The following SLIT2 variants were observed in gnomAD, a reference collection of about 807,000 sequenced individuals.
The protein encoded by SLIT2 is slit guidance ligand 2.
A neutral mutation model predicts 185.7 loss-of-function variants in SLIT2; 41 were observed. The observed-to-expected ratio is 0.22, with a 90% CI of 0.17 to 0.29. SLIT2 has a LOEUF of 0.29. SLIT2 is among the 10% of genes least tolerant of loss of function. The pLI, the probability that SLIT2 is intolerant of heterozygous loss-of-function variation, is 1.00. For synonymous variants in SLIT2, 693 were observed against 680.2 expected, an observed-to-expected ratio of 1.02 and a Z score of -0.29; for missense variants, 1,571 against 1,909.0, an observed-to-expected ratio of 0.82 and a Z score of 3.30.
At chr4:20,385,092 CTAAG>C (rs1171808798) in intron 4 of SLIT2, among the ~76,000 whole-genome samples, 2 of 152,066 alleles carry the variant, frequency 1.3e-5, no homozygotes, top group East Asian at 1.9e-4. Flanking sequence ...ATTTGCTGGA[CTAAG>C]TAAGTCACTG....
intron 9 of SLIT2, among the ~76,000 whole-genome samples, chr4:20,503,000 G>T (rs1482676591): frequency 3.3e-5 from 5 of 152,008 alleles, no homozygotes; most frequent in Non-Finnish European, 2.9e-5. Flanking sequence ...AAACTTCTAT[G>T]GGAAAAAAAT....
chr4:20,558,485 A>C lies in SLIT2; in HGVS notation c.2725+4517A>C, dbSNP rs181203793. 3.3e-5 allele frequency among the ~76,000 whole-genome samples: 5 copies of C among 152,202 alleles called. No homozygotes were observed. In the East Asian group the frequency reaches 9.6e-4, roughly 29 times the overall value. On this transcript the variant is annotated intron_variant, in intron 26 of 36. Coordinates refer to ENST00000504154, the MANE Select transcript of SLIT2 (RefSeq NM_004787.4). ...ATTAAGGTATTGCATTTTAAGACAC[A>C]TTTAACATATAATAGTATAGTTAAA...
chr4:20,422,977 T>A (rs1197571396), intron 4 of SLIT2, among the ~76,000 whole-genome samples: 1 of 152,140 alleles, frequency 6.6e-6, no homozygotes, highest in Non-Finnish European at 1.5e-5. Context: ...AATGTATGTT[T>A]AACCTATTCA....
rs370052321 is a variant in SLIT2, at chr4:20,538,109, G to A, written c.1833-1332G>A. Among the ~76,000 whole-genome samples, 724 of 152,220 alleles carry A rather than the reference G, an allele frequency of 4.8e-3. 7 individuals carry two copies. The highest frequency in any genetic ancestry group is 0.017 in the African/African-American group (687 of 41,532). The stretch of plus-strand genomic sequence containing the variant: ...TGAGTAGCTGGGACTACAGGTGCCC[G>A]CCACCACGCTAGGCTAATTTTTTTG... On this transcript the variant is annotated intron_variant, in intron 18 of 36. Transcript: ENST00000504154.
Position 20,523,855 on chromosome 4 carries a change from A to T in SLIT2, c.1226A>T (p.Gln409Leu). Reference sequence around the variant, plus strand: ...CTCTCCCTATATGACAACAAGCTTCAGACCATCGCCAAGGGGACCTTTTCA... The same window carrying T: ...CTCTCCCTATATGACAACAAGCTTCTGACCATCGCCAAGGGGACCTTTTCA... ...NLLSLYDNKLQTIAKGTFSPL... is the reference protein window; with the variant it reads ...NLLSLYDNKLLTIAKGTFSPL... The change falls in exon 13 of 37, where the codon CAG (glutamine) becomes CTG (leucine). Residue 409 changes from glutamine to leucine, a missense_variant. By Grantham distance (113) the Gln-to-Leu change is moderately radical (BLOSUM62 -2). Transcript: ENST00000504154. 1 of 1,614,128 alleles carries T rather than the reference A, an allele frequency of 6.2e-7. No individual in the cohort carries two copies. The highest frequency in any genetic ancestry group is 1.3e-5 in the African/African-American group (1 of 75,068).
intron 4 of SLIT2, among the ~76,000 whole-genome samples, chr4:20,446,304 G>A (rs920892063): frequency 6.6e-6 from 1 of 152,070 alleles, no homozygotes; most frequent in African/African-American, 2.4e-5. Context: ...TCTACTTTGC[G>A]GTAAGGGATC....
intron 4 of SLIT2, among the ~76,000 whole-genome samples, chr4:20,367,029 G>A (rs1431685346): frequency 3.3e-5 from 5 of 151,990 alleles, no homozygotes; most frequent in African/African-American, 7.2e-5. Context: ...TAACTCCTGG[G>A]TTTAAGTGAT....
intron 6 of SLIT2, among the ~76,000 whole-genome samples, chr4:20,481,607 A>G (rs1716709768): frequency 1.3e-5 from 2 of 152,082 alleles, no homozygotes; most frequent in Admixed American, 6.6e-5. Flanking sequence ...TCAGAAATCT[A>G]TAATTGAATT....
chr4:20,437,413 G>T (rs1470737388), intron 4 of SLIT2, among the ~76,000 whole-genome samples: 1 of 152,148 alleles, frequency 6.6e-6, no homozygotes, highest in Non-Finnish European at 1.5e-5. Flanking sequence ...CCAGGAGTTT[G>T]AGACCAGCCT....
chr4:20,404,228 C>T (rs1726588594), intron 4 of SLIT2, among the ~76,000 whole-genome samples: 1 of 151,934 alleles, frequency 6.6e-6, no homozygotes, highest in Non-Finnish European at 1.5e-5. Flanking sequence ...TTAGCAAATT[C>T]TTAAGTGTAT....
chr4:20,618,440 A>G (rs1487682059), intron 36 of SLIT2, among the ~76,000 whole-genome samples: 2 of 152,198 alleles, frequency 1.3e-5, no homozygotes, highest in Non-Finnish European at 2.9e-5. Context: ...CCTGTGGTAA[A>G]CAAAACCAGC....
chr4:20,511,044 C>G, intron 10 of SLIT2, 22 bp from the exon 11 acceptor site: 1 of 1,499,970 alleles, frequency 6.7e-7, no homozygotes, highest in Non-Finnish European at 9.3e-7. Context: ...TGAATGTAAC[C>G]TAACCCTATT....
chr4:20,576,557 G>A (rs1158009422), intron 29 of SLIT2, among the ~76,000 whole-genome samples: 1 of 152,112 alleles, frequency 6.6e-6, no homozygotes, highest in Non-Finnish European at 1.5e-5. Context: ...AGATGTGTAA[G>A]GTCTTTATAT....
Position 20,518,257 on chromosome 4 carries a change from T to TATA in SLIT2, c.1059-1125_1059-1124insATA, listed in dbSNP as rs1560494593. ...TGTGTGTGTATATATATATATATAT[T>TATA]TTTTTTTTTTTTTGAGACAGAGTCT... On this transcript the variant is annotated intron_variant, in intron 11 of 36. Coordinates refer to ENST00000504154, the MANE Select transcript of SLIT2 (RefSeq NM_004787.4). Among the ~76,000 whole-genome samples the TATA allele has an allele frequency of 9.0e-3, 616 of 68,168 alleles. 18 individuals are homozygous for TATA. Among genetic ancestry groups the TATA allele is most frequent in the African/African-American group, 0.026 (589 of 22,468 alleles). 44.7% of individuals were successfully genotyped at this position (68,168 alleles called of 152,430 possible). A position where few individuals can be genotyped will look rare whatever the true frequency, so the allele number is the denominator to read the frequency against.
intron 4 of SLIT2, among the ~76,000 whole-genome samples, chr4:20,377,343 A>T (rs1724107664): frequency 6.6e-6 from 1 of 152,174 alleles, no homozygotes; most frequent in South Asian, 2.1e-4. Flanking sequence ...GATTAAAATT[A>T]AATGAACAAA....
chr4:20,409,620 G>A (rs894463406), intron 4 of SLIT2, among the ~76,000 whole-genome samples: 1 of 152,078 alleles, frequency 6.6e-6, no homozygotes, highest in Non-Finnish European at 1.5e-5. Flanking sequence ...TGGTATTTCT[G>A]CCTCTAGGTT....
chr4:20,442,871 T>G (rs988593363), intron 4 of SLIT2, among the ~76,000 whole-genome samples: 3 of 152,150 alleles, frequency 2.0e-5, no homozygotes, highest in African/African-American at 4.8e-5. Flanking sequence ...TAGATGTGTT[T>G]TAGATTGAGA....
chr4:20,582,675 G>A (rs1040337951), intron 29 of SLIT2, among the ~76,000 whole-genome samples: 28 of 152,098 alleles, frequency 1.8e-4, no homozygotes, highest in Non-Finnish European at 3.2e-4. Context: ...TCATTTTTGC[G>A]GTAGATCTTA....
rs146414243 is a variant in SLIT2 at position 20,482,442 on chromosome 4, C to G, written c.539+1655C>G. 2.5e-3 allele frequency among the ~76,000 whole-genome samples: 374 copies of G among 152,036 alleles called. 1 individual carries two copies. The highest frequency in any genetic ancestry group is 8.5e-3 in the African/African-American group (353 of 41,542). On this transcript the variant is annotated intron_variant, in intron 6 of 36. Transcript: ENST00000504154. ...CTATGCTAGGCACTGAAATCTTTTA[C>G]CCACAAATACAATAACTACATTTGA...
Sources: gnomAD v4.1 joint callset for allele counts (sites outside exome capture counted in the v4.1 genomes callset) on GRCh38, gnomAD v4.1.1 for gene constraint, MANE v1.5 for transcripts, NCBI Gene and HGNC (gene_info 2026-07-23, HGNC 2026-07-21) for gene names.